The following FBXO36 variants were observed in gnomAD, a reference collection of about 807,000 sequenced individuals.
FBXO36 encodes F-box protein 36, also known as F-box only protein 36.
FBXO36 carries 18 observed loss-of-function variants against 17.0 expected under a neutral mutation model. The observed-to-expected ratio is 1.06, with a 90% CI of 0.73 to 1.57. FBXO36 has a LOEUF of 1.57. Ranked by LOEUF, FBXO36 falls within the 40% of genes most tolerant of loss-of-function variation. FBXO36 has a pLI of 0.00. For missense variants in FBXO36, 229 were observed against 221.9 expected, an observed-to-expected ratio of 1.03 and a Z score of -0.20; for synonymous variants, 83 against 85.3, an observed-to-expected ratio of 0.97 and a Z score of 0.15.
intron 1 of FBXO36, among the ~76,000 whole-genome samples, chr2:229,948,105 C>T (rs1397236788): frequency 1.3e-5 from 2 of 150,738 alleles, no homozygotes; most frequent in Non-Finnish European, 2.9e-5. Flanking sequence ...CAAGAGCCGC[C>T]TAAGTAACAT....
At chr2:229,974,776 G>A (rs915074467) in intron 1 of FBXO36, among the ~76,000 whole-genome samples, 2 of 152,162 alleles carry the variant, frequency 1.3e-5, no homozygotes, top group Non-Finnish European at 2.9e-5. Flanking sequence ...GAAACTTGCA[G>A]TGCAGAGAGA....
intron 1 of FBXO36, among the ~76,000 whole-genome samples, chr2:229,968,194 A>G (rs566902921): frequency 6.6e-6 from 1 of 151,110 alleles, no homozygotes; most frequent in Non-Finnish European, 1.5e-5. Context: ...TTTAATTAGT[A>G]TTAAATATTA....
At chr2:229,997,181 A>C (rs112462272) in intron 3 of FBXO36, among the ~76,000 whole-genome samples, 4 of 152,012 alleles carry the variant, frequency 2.6e-5, no homozygotes, top group South Asian at 4.1e-4. Flanking sequence ...AAGAGAGTGC[A>C]AAGTGATTTT....
intron 2 of FBXO36, among the ~76,000 whole-genome samples, chr2:229,988,579 G>A (rs1397814637): frequency 1.3e-5 from 2 of 152,036 alleles, no homozygotes; most frequent in African/African-American, 4.8e-5. Flanking sequence ...TAGTTTCCCA[G>A]GCTGGAGTGC....
intron 1 of FBXO36, among the ~76,000 whole-genome samples, chr2:229,966,695 C>G (rs1215036634): frequency 6.6e-6 from 1 of 152,064 alleles, no homozygotes; most frequent in Non-Finnish European, 1.5e-5. Flanking sequence ...GGTTGTAGAT[C>G]TGTGGTATTA....
Position 230,012,667 on chromosome 2 carries a change from A to G in FBXO36, c.*1783A>G, listed in dbSNP as rs1232828986. ...CTGCCTTGGCTCTCCCTGAGCTCCC[A>G]GACTTCACTCATGGCCTAATTTTCA... On this transcript the variant is annotated 3_prime_UTR_variant, in exon 4 of 4. Coordinates refer to ENST00000283946, the MANE Select transcript of FBXO36 (RefSeq NM_174899.5). 1 of 151,838 alleles carries G rather than the reference A, an allele frequency of 6.6e-6. No individual in the cohort carries two copies. The highest frequency in any genetic ancestry group is 1.5e-5 in the Non-Finnish European group (1 of 67,894). 9.4% of individuals were successfully genotyped at this position (151,838 alleles called of 1,614,324 possible).
At chr2:229,955,551 G>A (rs1023101870) in intron 1 of FBXO36, among the ~76,000 whole-genome samples, 1 of 152,082 alleles carries the variant, frequency 6.6e-6, no homozygotes, top group Admixed American at 6.6e-5. Flanking sequence ...ATGTTTACTT[G>A]TTTTATGTAT....
intron 1 of FBXO36, among the ~76,000 whole-genome samples, chr2:229,950,317 T>G (rs2077050875): frequency 6.6e-6 from 1 of 151,960 alleles, no homozygotes; most frequent in African/African-American, 2.4e-5. Context: ...TCCCAGCTAC[T>G]CAGGAAGCTG....
At chr2:230,009,743 G>C (rs1285288532) in intron 3 of FBXO36, among the ~76,000 whole-genome samples, 1 of 150,706 alleles carries the variant, frequency 6.6e-6, no homozygotes, top group Non-Finnish European at 1.5e-5. Context: ...AGGACTTCGA[G>C]ACCAGCCTGA....
chr2:229,999,688 T>A (rs1362851412), intron 3 of FBXO36, among the ~76,000 whole-genome samples: 1 of 151,688 alleles, frequency 6.6e-6, no homozygotes, highest in Non-Finnish European at 1.5e-5. Context: ...AATATATATA[T>A]GTATATATAT....
At chr2:229,937,889 CT>C (rs1560432025) in intron 1 of FBXO36, 1 of 152,192 alleles carries the variant, frequency 6.6e-6, no homozygotes, top group Non-Finnish European at 1.5e-5. Flanking sequence ...GCACAGGTCT[CT>C]CTTCTTGATA....
rs574275182 is a variant in FBXO36 at position 229,938,308 on chromosome 2, G to A, written c.96+15699G>A. 2.9e-4 allele frequency among the ~76,000 whole-genome samples: 34 copies of A among 119,172 alleles called. No individual in the cohort carries two copies. In the East Asian group the frequency reaches 8.8e-3, roughly 31 times the overall value. The allele number at this position is 119,172 out of a possible 152,430, so 78.2% of individuals were successfully genotyped here. Reference sequence around the variant, plus strand: ...GCCATCTCGGCTCACCGCACCCTCCGCCTCCTGGGTTCAGGCGATTCTCCT... The same window carrying A: ...GCCATCTCGGCTCACCGCACCCTCCACCTCCTGGGTTCAGGCGATTCTCCT... On this transcript the variant is annotated intron_variant, in intron 1 of 3. Coordinates refer to ENST00000283946, the MANE Select transcript of FBXO36 (RefSeq NM_174899.5).
At chr2:229,946,582 C>G (rs936106580) in intron 1 of FBXO36, among the ~76,000 whole-genome samples, 1 of 152,146 alleles carries the variant, frequency 6.6e-6, no homozygotes, top group Non-Finnish European at 1.5e-5. Context: ...GAATAAGCAA[C>G]AAGACATTGA....
chr2:229,986,264 C>T (rs1055512317), intron 2 of FBXO36, among the ~76,000 whole-genome samples: 1 of 152,046 alleles, frequency 6.6e-6, no homozygotes, highest in African/African-American at 2.4e-5. Context: ...CTTTGGGAGG[C>T]CGAGGCTGGA....
At chr2:229,997,030 G>C (rs1577361377) in intron 3 of FBXO36, 107 bp downstream of exon 3, 2 of 966,520 alleles carry the variant, frequency 2.1e-6, no homozygotes, top group East Asian at 2.4e-5. Flanking sequence ...GATGGACACT[G>C]TCTTAGGTGC....
chr2:230,008,423 C>T (rs1014713485), intron 3 of FBXO36, among the ~76,000 whole-genome samples: 21 of 152,132 alleles, frequency 1.4e-4, no homozygotes, highest in Admixed American at 4.6e-4. Context: ...TAGAACCTTT[C>T]GTTTTGCAAC....
chr2:229,938,058 C>T (rs1026840185), intron 1 of FBXO36, among the ~76,000 whole-genome samples: 7 of 152,142 alleles, frequency 4.6e-5, no homozygotes, highest in African/African-American at 1.7e-4. Context: ...ACCTCTGCCT[C>T]CTGGGTTCAT....
rs985221176 is a variant in FBXO36 at position 229,951,252 on chromosome 2, CT to C, written c.97-24980del. 6.0e-3 allele frequency among the ~76,000 whole-genome samples: 820 copies of C among 136,312 alleles called. 10 individuals carry two copies. The highest frequency in any genetic ancestry group is 0.02 in the African/African-American group (739 of 36,694). The allele number at this position is 136,312 out of a possible 152,430, so 89.4% of individuals were successfully genotyped here. On this transcript the variant is annotated intron_variant, in intron 1 of 3. Coordinates refer to ENST00000283946, the MANE Select transcript of FBXO36 (RefSeq NM_174899.5). ...CCGTCCCAGGCAACTTTTTTTTCTTCTTTTTTTTTAGACGGAGTTTCGCTTT... is the reference window on the plus strand; with the variant it reads ...CCGTCCCAGGCAACTTTTTTTTCTTCTTTTTTTTAGACGGAGTTTCGCTTT...
chr2:229,993,514 G>A (rs1184281451), intron 2 of FBXO36, among the ~76,000 whole-genome samples: 1 of 152,134 alleles, frequency 6.6e-6, no homozygotes, highest in Non-Finnish European at 1.5e-5. Flanking sequence ...TGTAAGTTTA[G>A]GAAAAGATAG....
Sources: gnomAD v4.1 joint callset for allele counts (sites outside exome capture counted in the v4.1 genomes callset) on GRCh38, gnomAD v4.1.1 for gene constraint, MANE v1.5 for transcripts, NCBI Gene and HGNC (gene_info 2026-07-23, HGNC 2026-07-21) for gene names.